The following CD96 variants were observed in gnomAD, a reference collection of about 807,000 sequenced individuals.
The protein encoded by CD96 is CD96 molecule.
A neutral mutation model predicts 71.3 loss-of-function variants in CD96; 70 were observed. That is an observed-to-expected ratio of 0.98 (90% CI 0.81 to 1.20). The LOEUF is 1.20. Among genes scored for constraint, CD96 ranks in the 50% most tolerant of loss-of-function variants. CD96 has a pLI of 0.00. For synonymous variants in CD96, 248 were observed against 233.0 expected (o/e 1.06, Z -0.59); for missense variants, 742 against 677.5 (o/e 1.10, Z -1.06).
At position 111,591,113 on chromosome 3, in the gene CD96, G is replaced by A. The variant is rs192053792; in HGVS notation, c.807+5735G>A. Among the ~76,000 whole-genome samples, 12 of 152,202 alleles carry A rather than the reference G, an allele frequency of 7.9e-5. No homozygotes were observed. The East Asian group carries it at 2.1e-3, about 27-fold the overall frequency. ...CCAGAGGCCAGAAGCAGTGGCTCAC[G>A]CCTGTAATCCCAACACTTTGGGAGG... On this transcript the variant is annotated intron_variant, in intron 5 of 13. Coordinates refer to ENST00000352690, the MANE Select transcript of CD96 (RefSeq NM_005816.5).
chr3:111,561,907 C>T (rs1424883340), intron 2 of CD96, among the ~76,000 whole-genome samples: 3 of 151,114 alleles, frequency 2.0e-5, no homozygotes, highest in Admixed American at 1.3e-4. Context: ...GATATAGTCT[C>T]GTGGTGCGCC....
At chr3:111,606,644 T>C in intron 7 of CD96, 56 bp from the exon 8 acceptor site, 1 of 903,676 alleles carries the variant, frequency 1.1e-6, no homozygotes, top group Admixed American at 1.7e-5. Flanking sequence ...AAGTCAATAC[T>C]TTATCTTTTG....
rs1425021105 is a variant in CD96, at chr3:111,651,489, A to C, written c.*1683A>C. On this transcript the variant is annotated 3_prime_UTR_variant, in exon 14 of 14. Transcript: ENST00000352690. ...GAAGTGACCAAGGCTAGGTCACAAAATACACTGTGGCTTCTTCTTTGATCT... is the reference window on the plus strand; with the variant it reads ...GAAGTGACCAAGGCTAGGTCACAAACTACACTGTGGCTTCTTCTTTGATCT... 6.6e-6 allele frequency: 1 copy of C among 152,266 alleles called. No homozygotes were observed. The highest frequency in any genetic ancestry group is 1.9e-4 in the East Asian group (1 of 5,190). The allele number at this position is 152,266 out of a possible 1,614,324, so 9.4% of individuals were successfully genotyped here. A position where few individuals can be genotyped will look rare whatever the true frequency, so the allele number is the denominator to read the frequency against.
intron 2 of CD96, among the ~76,000 whole-genome samples, chr3:111,557,997 GCTCT>G (rs1389301412): frequency 5.4e-5 from 8 of 147,152 alleles, no homozygotes; most frequent in Non-Finnish European, 9.1e-5. Context: ...TCATGATTTG[GCTCT>G]CTGTTTGTGT....
chr3:111,656,068 G>A (rs930193103), downstream of CD96, among the ~76,000 whole-genome samples: 5 of 151,872 alleles, frequency 3.3e-5, no homozygotes, highest in African/African-American at 9.7e-5. Context: ...AATAAAGTAA[G>A]TGAAAATATT....
intron 14 of CD96, among the ~76,000 whole-genome samples, chr3:111,664,948 G>A (rs1940445752): frequency 1.3e-5 from 2 of 152,114 alleles, no homozygotes; most frequent in Non-Finnish European, 2.9e-5. Flanking sequence ...TTTATTCTTA[G>A]GAAATACACA....
chr3:111,655,793 C>T (rs868293347), downstream of CD96, among the ~76,000 whole-genome samples: 16 of 152,042 alleles, frequency 1.1e-4, no homozygotes, highest in Middle Eastern at 3.4e-3. Flanking sequence ...GGGATATTTT[C>T]TTAACTACAT....
chr3:111,585,738 C>T (rs1039888623), intron 5 of CD96, among the ~76,000 whole-genome samples: 27 of 152,102 alleles, frequency 1.8e-4, no homozygotes, highest in African/African-American at 6.0e-4. Context: ...GCTCAGCTGA[C>T]GTTTAATTTG....
intron 2 of CD96, among the ~76,000 whole-genome samples, chr3:111,556,822 C>T (rs1352728306): frequency 1.3e-5 from 2 of 151,786 alleles, no homozygotes; most frequent in African/African-American, 2.4e-5. Flanking sequence ...GTCCCACCAA[C>T]AGTGTAAAAG....
At chr3:111,573,753 C>CACATAACTATAG (rs1936096054) in intron 3 of CD96, among the ~76,000 whole-genome samples, 1 of 144,878 alleles carries the variant, frequency 6.9e-6, no homozygotes, top group Non-Finnish European at 1.6e-5. Flanking sequence ...ATATCTTCAA[C>CACATAACTATAG]ATGCTCTTAT....
At chr3:111,570,854 G>A in intron 3 of CD96, 4 of 1,610,734 alleles carry the variant, frequency 2.5e-6, no homozygotes, top group Non-Finnish European at 2.5e-6. Context: ...CAGGGTGCAA[G>A]GGTCCTGACC....
At chr3:111,618,190 T>C (rs1052531816) in intron 8 of CD96, among the ~76,000 whole-genome samples, 1 of 152,196 alleles carries the variant, frequency 6.6e-6, no homozygotes, top group Non-Finnish European at 1.5e-5. Context: ...GGATCCAGGC[T>C]GGTAGCACAG....
chr3:111,656,087 A>G (rs1049132649), downstream of CD96, among the ~76,000 whole-genome samples: 45 of 152,070 alleles, frequency 3.0e-4, no homozygotes, highest in African/African-American at 9.7e-4. Context: ...TTTACAACAT[A>G]TATCACAGAT....
downstream of CD96, among the ~76,000 whole-genome samples, chr3:111,656,411 G>C (rs571595463): frequency 6.6e-6 from 1 of 152,150 alleles, no homozygotes; most frequent in Non-Finnish European, 1.5e-5. Flanking sequence ...GCTGAAGGGA[G>C]TGCAAAATGG....
chr3:111,619,217 G>A (rs1039090251), intron 8 of CD96, among the ~76,000 whole-genome samples: 1 of 152,126 alleles, frequency 6.6e-6, no homozygotes, highest in African/African-American at 2.4e-5. Flanking sequence ...GACTGGAGCT[G>A]TCTTCTAACT....
rs780670315 is a variant in CD96, at chr3:111,567,557, A to G, written c.453A>G (p.Ile151Met). The change falls in exon 3 of 14, where the codon ATA becomes ATG. Residue 151 changes from isoleucine to methionine, a missense_variant. Ile to Met is a conservative substitution (Grantham distance 10, BLOSUM62 1). Transcript: ENST00000352690. ...TADEWNSNHT[I>M]EIEINQTLEI... ...ATGAATGGAACAGCAACCATACGAT[A>G]GAAATAGAGATAAATCAGACTCTGG... 2 of 1,604,946 alleles carry G rather than the reference A, an allele frequency of 1.2e-6. No individual in the cohort carries two copies. The highest frequency in any genetic ancestry group is 3.3e-5 in the Admixed American group (2 of 60,016).
At chr3:111,552,011 T>C (rs1934732920) in intron 2 of CD96, among the ~76,000 whole-genome samples, 1 of 152,196 alleles carries the variant, frequency 6.6e-6, no homozygotes, top group Admixed American at 6.6e-5. Context: ...CAAGATGATA[T>C]CTCCTTGTAG....
rs141120514 is a variant in CD96 at position 111,598,123 on chromosome 3, A to G, written c.811A>G (p.Arg271Gly). 4.1e-4 allele frequency: 553 copies of G among 1,365,244 alleles called. 1 individual carries two copies. The African/African-American group carries it at 6.7e-3, about 16-fold the overall frequency. The allele number at this position is 1,365,244 out of a possible 1,614,324, so 84.6% of individuals were successfully genotyped here. ...NNSTDVLVER[R>G]FTCLLKNVFP... is the part of the protein sequence containing the mutation. ...CCTTTTTCTGTCTTTACCCCAGAGA[A>G]GATTTACCTGCTTACTAAAGAATGT... Residue 271 changes from arginine to glycine, a missense_variant, in exon 6 of 14, where the codon AGA becomes GGA. Arg to Gly is a moderately radical substitution (Grantham distance 125, BLOSUM62 -2). Coordinates refer to ENST00000352690, the MANE Select transcript of CD96 (RefSeq NM_005816.5).
intron 2 of CD96, among the ~76,000 whole-genome samples, chr3:111,562,854 A>G (rs1418415583): frequency 1.3e-5 from 2 of 152,206 alleles, no homozygotes; most frequent in African/African-American, 4.8e-5. Flanking sequence ...TCTAGTTTCC[A>G]GGATCTCCAT....
Sources: gnomAD v4.1 joint callset for allele counts (sites outside exome capture counted in the v4.1 genomes callset) on GRCh38, gnomAD v4.1.1 for gene constraint, MANE v1.5 for transcripts, NCBI Gene and HGNC (gene_info 2026-07-23, HGNC 2026-07-21) for gene names.